KIF23: variants seen among roughly 807,000 people sequenced by gnomAD.
KIF23 encodes kinesin-like protein KIF23.
A neutral mutation model predicts 137.5 loss-of-function variants in KIF23; 30 were observed. The ratio of observed to expected loss-of-function variants is 0.22; its 90% CI spans 0.16 to 0.30. KIF23 has a LOEUF of 0.30. KIF23 is among the 10% of genes least tolerant of loss of function. KIF23 has a pLI of 1.00. For missense variants in KIF23, 920 were observed against 1,194.3 expected (o/e 0.77, Z 3.38); for synonymous variants, 367 against 391.1 (o/e 0.94, Z 0.73).
intron 10 of KIF23, among the ~76,000 whole-genome samples, chr15:69,428,251 C>G (rs1459414727): frequency 6.7e-6 from 1 of 149,556 alleles, no homozygotes. Context: ...GAGACTCTGT[C>G]TAAAAAAAAA....
intron 7 of KIF23, among the ~76,000 whole-genome samples, chr15:69,424,228 A>C (rs1356350351): frequency 3.3e-5 from 5 of 152,214 alleles, no homozygotes; most frequent in Admixed American, 3.3e-4. Context: ...AGTGAGTCAC[A>C]TTTTGATACA....
chr15:69,435,583 T>A, intron 12 of KIF23, 21 bp downstream of exon 12: 1 of 1,613,416 alleles, frequency 6.2e-7, no homozygotes, highest in Non-Finnish European at 8.5e-7. Context: ...GCCTTCTCTG[T>A]TCTTTTGTAT....
intron 11 of KIF23, 89 bp from the exon 12 acceptor site, chr15:69,435,394 T>A: frequency 9.9e-7 from 1 of 1,013,510 alleles, no homozygotes; most frequent in South Asian, 1.6e-5. Flanking sequence ...TAGTAGTTGT[T>A]TGAAGTTGAG....
chr15:69,423,157 A>G lies in KIF23; in HGVS notation c.564-2A>G. The stretch of plus-strand genomic sequence containing the variant: ...TATACAATTGAACTTTTCTTTTTTT[A>G]GACGACAAGTAGATCCAGAGTTTGC... On this transcript the variant is annotated splice_acceptor_variant, in intron 6 of 23. Coordinates refer to ENST00000679126, the MANE Select transcript of KIF23 (RefSeq NM_001367805.3). LOFTEE classifies it high-confidence loss of function. 6.5e-7 allele frequency: 1 copy of G among 1,543,730 alleles called. No individual in the cohort carries two copies. The highest frequency in any genetic ancestry group is 8.8e-7 in the Non-Finnish European group (1 of 1,137,286).
intron 16 of KIF23, among the ~76,000 whole-genome samples, chr15:69,439,597 TCAAC>T (rs1460057045): frequency 2.0e-5 from 3 of 152,220 alleles, no homozygotes; most frequent in Non-Finnish European, 4.4e-5. Context: ...GAAGTTAGTC[TCAAC>T]CAATATAGTT....
chr15:69,419,530 C>T (rs372576926), intron 3 of KIF23, among the ~76,000 whole-genome samples: 43 of 152,240 alleles, frequency 2.8e-4, no homozygotes, highest in African/African-American at 9.1e-4. Flanking sequence ...CATGGGTCAT[C>T]GTTGGGTTTC....
At chr15:69,431,262 A>G (rs1027601028) in intron 11 of KIF23, among the ~76,000 whole-genome samples, 2 of 152,246 alleles carry the variant, frequency 1.3e-5, no homozygotes, top group African/African-American at 4.8e-5. Flanking sequence ...GCAGAGGTAC[A>G]TGGATTTGGA....
At chr15:69,422,664 A>G (rs2057087829) in intron 6 of KIF23, among the ~76,000 whole-genome samples, 1 of 152,222 alleles carries the variant, frequency 6.6e-6, no homozygotes, top group African/African-American at 2.4e-5. Context: ...GGGAGAGGGT[A>G]TAAAAGCCAT....
At chr15:69,438,662 G>A (rs371202816) in intron 16 of KIF23, among the ~76,000 whole-genome samples, 2 of 152,146 alleles carry the variant, frequency 1.3e-5, no homozygotes, top group African/African-American at 2.4e-5. Flanking sequence ...TTAGCTGGGC[G>A]TGGTGGCGAG....
Position 69,425,326 on chromosome 15 carries a change from A to G in KIF23, c.776+3A>G. ...CCCATGAGGAACACAGATTTTGTGTATGTGATGGTGTTGGCTCTTTTCTTA... is the reference window on the plus strand; with the variant it reads ...CCCATGAGGAACACAGATTTTGTGTGTGTGATGGTGTTGGCTCTTTTCTTA... On this transcript the variant is annotated splice_donor_region_variant and intron_variant, in intron 8 of 23. Coordinates refer to ENST00000679126, the MANE Select transcript of KIF23 (RefSeq NM_001367805.3). 3.9e-6 allele frequency: 6 copies of G among 1,535,480 alleles called. No homozygotes were observed. Among genetic ancestry groups the G allele is most frequent in the Non-Finnish European group, 5.2e-6 (6 of 1,146,402 alleles).
chr15:69,418,867 A>G (rs1433807200), intron 3 of KIF23, among the ~76,000 whole-genome samples: 1 of 152,210 alleles, frequency 6.6e-6, no homozygotes, highest in African/African-American at 2.4e-5. Context: ...CTGCAGTCTC[A>G]GCACTTTGGG....
rs2057696434 is a variant in KIF23 at position 69,444,281 on chromosome 15, A to C, written c.2422-509A>C. 6.6e-6 allele frequency: 1 copy of C among 152,428 alleles called. No individual in the cohort carries two copies. The highest frequency in any genetic ancestry group is 6.5e-5 in the Admixed American group (1 of 15,288). 9.4% of individuals were successfully genotyped at this position (152,428 alleles called of 1,614,324 possible). ...ATGAGATTTTAAAATCTTAACTGAAAGCACTCAGAAGTATTTCACATTTCT... is the reference window on the plus strand; with the variant it reads ...ATGAGATTTTAAAATCTTAACTGAACGCACTCAGAAGTATTTCACATTTCT... On this transcript the variant is annotated intron_variant, in intron 19 of 23. Transcript: ENST00000679126. The surrounding 1 kb of genome is among the most constrained non-coding windows in gnomAD (Gnocchi z 4.2).
Position 69,440,970 on chromosome 15 carries a change from A to G in KIF23, c.2312A>G (p.Lys771Arg), listed in dbSNP as rs1468847694. Residue 771 changes from lysine (K) to arginine (R), a missense_variant, in exon 19 of 24, where the codon AAA becomes AGA. By Grantham distance (26) the Lys-to-Arg change is conservative (BLOSUM62 2). Transcript: ENST00000679126. ...RRRQQEPGQS[K>R]TCIVSDRRRG... ...AGGCAGCAGGAGCCAGGACAAAGCA[A>G]AACTTGTATCGTGTCAGACAGAAGG... 1 of 1,614,242 alleles carries G rather than the reference A, an allele frequency of 6.2e-7. No homozygotes were observed. The highest frequency in any genetic ancestry group is 8.5e-7 in the Non-Finnish European group (1 of 1,180,048).
At chr15:69,437,729 G>T (rs2057518158) in intron 15 of KIF23, among the ~76,000 whole-genome samples, 2 of 152,084 alleles carry the variant, frequency 1.3e-5, no homozygotes, top group Admixed American at 1.3e-4. Context: ...AACATGCTGG[G>T]ATTACAGACG....
chr15:69,417,305 T>C, intron 2 of KIF23, 78 bp from the exon 3 acceptor site: 2 of 1,319,592 alleles, frequency 1.5e-6, no homozygotes, highest in Non-Finnish European at 1.0e-6. Context: ...GTTGAATGAA[T>C]GAATGAATGA....
At position 69,441,049 on chromosome 15, in the gene KIF23, GATAGAA is replaced by G. The variant is rs1350888524; in HGVS notation, c.2398_2403del (p.Ile800_Glu801del). On this transcript the variant is annotated inframe_deletion, in exon 19 of 24. Coordinates refer to ENST00000679126, the MANE Select transcript of KIF23 (RefSeq NM_001367805.3). Reference sequence around the variant, plus strand: ...AGGTGGTTCCTACATTCAGAAATGAGATAGAAATAGAAGAGGATCATTGCGGCAGGG... The same window carrying G: ...AGGTGGTTCCTACATTCAGAAATGAGATAGAAGAGGATCATTGCGGCAGGG... The G allele has an allele frequency of 6.2e-7, 1 of 1,613,730 alleles. No individual in the cohort carries two copies. Among genetic ancestry groups the G allele is most frequent in the Admixed American group, 1.7e-5 (1 of 60,010 alleles).
chr15:69,435,569 A>C lies in KIF23; in HGVS notation c.1194+7A>C, dbSNP rs773952277. The C allele has an allele frequency of 6.2e-7, 1 of 1,614,030 alleles. No homozygotes were observed. The highest frequency in any genetic ancestry group is 8.5e-7 in the Non-Finnish European group (1 of 1,179,962). ...AATGTATGGAACTAACAAGGTAAGC[A>C]GCAGCCTTCTCTGTTCTTTTGTATA... On this transcript the variant is annotated splice_region_variant and intron_variant, in intron 12 of 23. Transcript: ENST00000679126.
chr15:69,438,475 G>T, intron 16 of KIF23, 70 bp downstream of exon 16: 1 of 1,409,754 alleles, frequency 7.1e-7, no homozygotes. Flanking sequence ...GGGAGATATT[G>T]TGCTCCAACG....
chr15:69,440,513 A>C (rs2140399626), intron 18 of KIF23, 26 bp downstream of exon 18: 2 of 1,570,254 alleles, frequency 1.3e-6, no homozygotes, highest in East Asian at 2.3e-5. Context: ...TTGTGTAGTA[A>C]CTTTGTACTA....
Sources: gnomAD v4.1 joint callset for allele counts (sites outside exome capture counted in the v4.1 genomes callset) on GRCh38, gnomAD v4.1.1 for gene constraint, Gnocchi (gnomAD v3.1) non-coding constraint, MANE v1.5 for transcripts, NCBI Gene and HGNC (gene_info 2026-07-23, HGNC 2026-07-21) for gene names.